The following RCAN1 variants were observed in gnomAD, a reference collection of about 807,000 sequenced individuals.
RCAN1 encodes the protein regulator of calcineurin 1.
Under a neutral mutation model 22.9 loss-of-function variants are expected in RCAN1, and 11 were observed. That is an observed-to-expected ratio of 0.48 (90% CI 0.30 to 0.79). The LOEUF (loss-of-function observed/expected upper bound fraction) is 0.79. Ranked by LOEUF, RCAN1 falls within the 30% of genes least tolerant of loss-of-function variation. The pLI is 0.06. For missense variants in RCAN1, 291 were observed against 337.8 expected (o/e 0.86, Z 1.09); for synonymous variants, 136 against 142.3 (o/e 0.96, Z 0.32).
intron 1 of RCAN1, among the ~76,000 whole-genome samples, chr21:34,569,724 CTG>C (rs1987169642): frequency 6.6e-6 from 1 of 152,258 alleles, no homozygotes; most frequent in South Asian, 2.1e-4. Context: ...GTGCCAGCAA[CTG>C]TGCTAGGTGT....
Position 34,517,911 on chromosome 21 carries a change from G to T in RCAN1, c.*173C>A. 1.4e-6 allele frequency: 1 copy of T among 713,908 alleles called. No individual in the cohort carries two copies. The highest frequency in any genetic ancestry group is 2.3e-6 in the Non-Finnish European group (1 of 432,180). 44.2% of individuals were successfully genotyped at this position (713,908 alleles called of 1,614,324 possible). A position where few individuals can be genotyped will look rare whatever the true frequency, so the allele number is the denominator to read the frequency against. On this transcript the variant is annotated 3_prime_UTR_variant, in exon 4 of 4. Coordinates refer to ENST00000313806, the MANE Select transcript of RCAN1 (RefSeq NM_004414.7). Reference sequence around the variant, plus strand: ...GGGTGCCATGAACAGTAACTGGTGTGCAGCATTAGAACAAGGGGACACGGC... The same window carrying T: ...GGGTGCCATGAACAGTAACTGGTGTTCAGCATTAGAACAAGGGGACACGGC...
chr21:34,524,888 A>G (rs1013479485), intron 1 of RCAN1, among the ~76,000 whole-genome samples: 1 of 152,102 alleles, frequency 6.6e-6, no homozygotes, highest in African/African-American at 2.4e-5. Context: ...TCAGAGAGGG[A>G]GTTTAACTGG....
At chr21:34,586,818 G>A (rs1244865313) in intron 1 of RCAN1, among the ~76,000 whole-genome samples, 1 of 152,124 alleles carries the variant, frequency 6.6e-6, no homozygotes, top group Non-Finnish European at 1.5e-5. Context: ...GCCAGGCATG[G>A]TGGCAGGCTC....
intron 1 of RCAN1, among the ~76,000 whole-genome samples, chr21:34,610,144 C>G (rs548597779): frequency 2.2e-4 from 33 of 152,208 alleles, no homozygotes; most frequent in Non-Finnish European, 4.1e-4. Context: ...TATGCTACAA[C>G]AGACTGGCTT....
intron 1 of RCAN1, among the ~76,000 whole-genome samples, chr21:34,580,437 G>T (rs1164034422): frequency 6.6e-6 from 1 of 152,188 alleles, no homozygotes; most frequent in Non-Finnish European, 1.5e-5. Context: ...CTTGCCTAGG[G>T]TTGAATGAGT....
At chr21:34,568,679 C>T in intron 1 of RCAN1, among the ~76,000 whole-genome samples, 1 of 152,194 alleles carries the variant, frequency 6.6e-6, no homozygotes, top group Non-Finnish European at 1.5e-5. Flanking sequence ...ATTGCTGGGG[C>T]AGAACCAGCA....
At chr21:34,596,607 G>A (rs972591673) in intron 1 of RCAN1, among the ~76,000 whole-genome samples, 3 of 152,142 alleles carry the variant, frequency 2.0e-5, no homozygotes, top group East Asian at 3.9e-4. Context: ...TCAGGGACAG[G>A]AGCAACCCCC....
At chr21:34,574,048 G>C (rs1000051504) in intron 1 of RCAN1, among the ~76,000 whole-genome samples, 6 of 152,198 alleles carry the variant, frequency 3.9e-5, no homozygotes, top group African/African-American at 1.2e-4. Flanking sequence ...AGGTTCTAAA[G>C]AAGATGAATT....
intron 1 of RCAN1, among the ~76,000 whole-genome samples, chr21:34,601,901 C>T (rs1988366493): frequency 6.6e-6 from 1 of 151,372 alleles, no homozygotes; most frequent in African/African-American, 2.4e-5. Flanking sequence ...TAGGTATAGA[C>T]ACCTTCACAC....
chr21:34,545,565 A>C (rs1986100482), intron 1 of RCAN1, among the ~76,000 whole-genome samples: 1 of 152,212 alleles, frequency 6.6e-6, no homozygotes, highest in Non-Finnish European at 1.5e-5. Context: ...TGGCCAGGCC[A>C]GGCACAAAGA....
chr21:34,613,720 C>T (rs1988739553), intron 1 of RCAN1: 2 of 1,448,768 alleles, frequency 1.4e-6, no homozygotes, highest in African/African-American at 2.8e-5. Flanking sequence ...CTTACCTAAG[C>T]ACACGGCCAT....
intron 1 of RCAN1, among the ~76,000 whole-genome samples, chr21:34,545,642 G>A (rs1426613158): frequency 2.0e-5 from 3 of 152,146 alleles, no homozygotes; most frequent in Non-Finnish European, 2.9e-5. Context: ...ACGACATTGT[G>A]GAGGAAACAG....
intron 1 of RCAN1, among the ~76,000 whole-genome samples, chr21:34,576,665 G>C (rs971040350): frequency 3.3e-5 from 5 of 152,186 alleles, no homozygotes; most frequent in Non-Finnish European, 7.4e-5. Flanking sequence ...GAACATTTTG[G>C]TCAATGTCTG....
At position 34,581,980 on chromosome 21, in the gene RCAN1, C is replaced by T. The variant is rs116657755; in HGVS notation, c.252+32780G>A. 2.9e-3 allele frequency among the ~76,000 whole-genome samples: 443 copies of T among 152,216 alleles called. 4 individuals are homozygous for T. Among genetic ancestry groups the T allele is most frequent in the African/African-American group, 0.01 (420 of 41,526 alleles). On this transcript the variant is annotated intron_variant, in intron 1 of 3. Transcript: ENST00000313806. ...CTTTCAAGCCAGACGAGTCATCTAC[C>T]CTTGTGGGTAGCTTCTCAACTCATC... is the stretch of plus-strand genomic sequence containing the variant.
chr21:34,521,187 C>T lies in RCAN1; in HGVS notation c.586+312G>A, dbSNP rs530254892. ...TATCCGGAGCGACAGAACCTGGGGC[C>T]GGGGCTCAGGCCTCCCACGCAGGCT... On this transcript the variant is annotated intron_variant, in intron 3 of 3. Coordinates refer to ENST00000313806, the MANE Select transcript of RCAN1 (RefSeq NM_004414.7). 3.5e-5 allele frequency: 47 copies of T among 1,361,482 alleles called. No individual in the cohort carries two copies. The Admixed American group carries it at 5.8e-4, about 17-fold the overall frequency. The allele number at this position is 1,361,482 out of a possible 1,614,324, so 84.3% of individuals were successfully genotyped here.
chr21:34,544,750 T>C (rs555127060), intron 1 of RCAN1, among the ~76,000 whole-genome samples: 1 of 152,158 alleles, frequency 6.6e-6, no homozygotes, highest in African/African-American at 2.4e-5. Flanking sequence ...AGATAGAAAG[T>C]AAAGGAGACC....
chr21:34,580,773 A>G (rs950638005), intron 1 of RCAN1, among the ~76,000 whole-genome samples: 6 of 152,206 alleles, frequency 3.9e-5, no homozygotes, highest in Non-Finnish European at 2.9e-5. Flanking sequence ...AGAGAGGTCA[A>G]GTGTCTGGCT....
At chr21:34,595,903 C>A (rs1169116493) in intron 1 of RCAN1, among the ~76,000 whole-genome samples, 2 of 152,224 alleles carry the variant, frequency 1.3e-5, no homozygotes, top group African/African-American at 4.8e-5. Flanking sequence ...TGGGGGTCCC[C>A]CACACAGTCC....
In RCAN1 at chr21:34,517,808, A is replaced by T; in HGVS notation, c.*276T>A. The T allele has an allele frequency of 4.3e-6, 2 of 461,542 alleles. No homozygotes were observed. Among genetic ancestry groups the T allele is most frequent in the Non-Finnish European group, 7.8e-6 (2 of 256,138 alleles). 28.6% of individuals were successfully genotyped at this position (461,542 alleles called of 1,614,324 possible). ...AAAAGAACAAGTACAAAACACTATC[A>T]TTATCTGTTTTCTCAAGACAGTCCC... On this transcript the variant is annotated 3_prime_UTR_variant, in exon 4 of 4. Transcript: ENST00000313806.
Sources: allele counts gnomAD v4.1 joint callset (sites outside exome capture counted in the v4.1 genomes callset), GRCh38; gene constraint gnomAD v4.1.1; transcripts MANE v1.5; gene names NCBI Gene and HGNC (gene_info 2026-07-23, HGNC 2026-07-21).